Variants in TTC7A observed in about 807,000 individuals in gnomAD.
TTC7A encodes the protein tetratricopeptide repeat domain 7A, also known as tetratricopeptide repeat protein 7A.
Under a neutral mutation model 103.7 loss-of-function variants are expected in TTC7A, and 110 were observed. That is an observed-to-expected ratio of 1.06 (90% CI 0.91 to 1.24). The LOEUF (loss-of-function observed/expected upper bound fraction) is 1.24. Ranked by LOEUF, TTC7A falls within the 50% of genes most tolerant of loss-of-function variation. The pLI, the probability that TTC7A is intolerant of heterozygous loss-of-function variation, is 0.00. For missense variants in TTC7A, 1,340 were observed against 1,116.3 expected, an observed-to-expected ratio of 1.20 and a Z score of -2.86; for synonymous variants, 521 against 467.9, an observed-to-expected ratio of 1.11 and a Z score of -1.47.
intron 3 of TTC7A, among the ~76,000 whole-genome samples, chr2:46,966,248 C>T (rs778077423): frequency 3.9e-5 from 6 of 152,058 alleles, no homozygotes; most frequent in Non-Finnish European, 8.8e-5. Context: ...TGTGCTTGGC[C>T]TGCATACTTT....
At chr2:46,992,217 C>T (rs780273864) in intron 5 of TTC7A, among the ~76,000 whole-genome samples, 1 of 152,196 alleles carries the variant, frequency 6.6e-6, no homozygotes, top group Non-Finnish European at 1.5e-5. Context: ...GCATGTGCTA[C>T]GTGGCAGGAG....
intron 15 of TTC7A, among the ~76,000 whole-genome samples, chr2:47,037,567 G>A (rs893421102): frequency 3.9e-5 from 6 of 152,218 alleles, no homozygotes; most frequent in African/African-American, 1.2e-4. Flanking sequence ...GTGGAGCAGA[G>A]GCGAGAACCC....
intron 15 of TTC7A, among the ~76,000 whole-genome samples, chr2:47,045,146 C>T (rs768880809): frequency 4.6e-5 from 7 of 152,186 alleles, no homozygotes; most frequent in East Asian, 3.9e-4. Flanking sequence ...TGGTGAGAAC[C>T]GGGAGGTGCT....
At chr2:46,920,339 C>CT (rs1343613348) in intron 2 of TTC7A, among the ~76,000 whole-genome samples, 2 of 151,542 alleles carry the variant, frequency 1.3e-5, no homozygotes, top group Non-Finnish European at 2.9e-5. Context: ...CAGTCTTAGC[C>CT]TTTTTTTTGA....
intron 11 of TTC7A, among the ~76,000 whole-genome samples, chr2:47,018,442 A>G (rs10172245): frequency 0.55 from 83,392 of 151,366 alleles, 23,224 homozygotes; most frequent in East Asian, 0.77. Flanking sequence ...AAAATTAACC[A>G]GTGTGGTGGT....
At chr2:47,004,738 C>T (rs980386210) in intron 8 of TTC7A, among the ~76,000 whole-genome samples, 6 of 151,958 alleles carry the variant, frequency 3.9e-5, no homozygotes, top group African/African-American at 1.5e-4. Context: ...CTGCCCAGCT[C>T]CCGCACAGCC....
intron 17 of TTC7A, 86 bp from the exon 18 acceptor site, chr2:47,051,660 C>A: frequency 6.8e-7 from 1 of 1,478,704 alleles, no homozygotes; most frequent in Non-Finnish European, 9.1e-7. Context: ...CCCTGTCTCC[C>A]CATGGTGCTG....
In TTC7A at chr2:46,995,144, G is replaced by GC. The variant is rs1194244150; in HGVS notation, c.1014dup (p.Lys339GlnfsTer46). 2 of 1,614,160 alleles carry GC rather than the reference G, an allele frequency of 1.2e-6. No individual in the cohort carries two copies. Among genetic ancestry groups the GC allele is most frequent in the Non-Finnish European group, 1.7e-6 (2 of 1,180,012 alleles). On this transcript the variant is annotated frameshift_variant, in exon 8 of 20. Transcript: ENST00000319190. LOFTEE classifies it high-confidence loss of function. ...TCATTGGTGTCTTTCAGCCTCTACTGCCCCAAGGACAACATCGAGGAAGCC... is the reference window on the plus strand; with the variant it reads ...TCATTGGTGTCTTTCAGCCTCTACTGCCCCCAAGGACAACATCGAGGAAGCC...
chr2:46,960,368 C>G (rs538744855), intron 3 of TTC7A, among the ~76,000 whole-genome samples: 1 of 152,214 alleles, frequency 6.6e-6, no homozygotes, highest in Non-Finnish European at 1.5e-5. Context: ...TCCCCAGTAC[C>G]AATTTCCTGA....
At chr2:46,998,838 T>C (rs957720303) in intron 8 of TTC7A, among the ~76,000 whole-genome samples, 45 of 152,254 alleles carry the variant, frequency 3.0e-4, no homozygotes, top group African/African-American at 1.0e-3. Flanking sequence ...AAGCTGACTA[T>C]GTGCGATCAG....
At chr2:46,918,441 A>T (rs1448885670) in intron 2 of TTC7A, among the ~76,000 whole-genome samples, 1 of 152,210 alleles carries the variant, frequency 6.6e-6, no homozygotes, top group Non-Finnish European at 1.5e-5. Flanking sequence ...TCCTGCTTCC[A>T]TTCTTGCCCT....
rs761371481 is a variant in TTC7A, at chr2:47,005,886, C to T, written c.1066-36C>T. 1.7e-5 allele frequency: 27 copies of T among 1,612,608 alleles called. No homozygotes were observed. The East Asian group carries it at 1.8e-4, about 11-fold the overall frequency. ...GAAGACAGACACCTGCTTATCTACT[C>T]TCCTCACTCTTTCCCAAACAATGTC... On this transcript the variant is annotated intron_variant, in intron 8 of 19. Transcript: ENST00000319190.
At chr2:46,962,849 G>C (rs1026506742) in intron 3 of TTC7A, among the ~76,000 whole-genome samples, 1 of 152,242 alleles carries the variant, frequency 6.6e-6, no homozygotes. Context: ...TACCTGATAG[G>C]TTGAACAGTG....
At chr2:46,920,130 G>C (rs1168181386) in intron 2 of TTC7A, among the ~76,000 whole-genome samples, 2 of 152,128 alleles carry the variant, frequency 1.3e-5, no homozygotes, top group Non-Finnish European at 2.9e-5. Context: ...CTAATGAAAA[G>C]TCTGACTGTT....
chr2:46,989,369 T>G (rs2104354002), intron 5 of TTC7A, among the ~76,000 whole-genome samples: 1 of 152,392 alleles, frequency 6.6e-6, no homozygotes, highest in East Asian at 1.9e-4. Flanking sequence ...CAAAGAGATC[T>G]TTCAAGCTGG....
In TTC7A at chr2:47,007,105, G is replaced by A. The variant is rs1411162153; in HGVS notation, c.1287+381G>A. Among the ~76,000 whole-genome samples, 2 of 152,172 alleles carry A rather than the reference G, an allele frequency of 1.3e-5. No homozygotes were observed. The highest frequency in any genetic ancestry group is 2.9e-5 in the Non-Finnish European group (2 of 68,034). ...GTTCTCATCCTGTCCACTGAGCATA[G>A]CATCAGGAAATGGCCTGCTTGTGGA... On this transcript the variant is annotated intron_variant, in intron 10 of 19. Transcript: ENST00000319190. This position sits in a 1 kb window ranked among gnomAD's most constrained non-coding sequence, Gnocchi z 4.9.
rs772273957 is a variant in TTC7A at position 46,995,120 on chromosome 2, C to T, written c.1002-16C>T. 24 of 1,613,992 alleles carry T rather than the reference C, an allele frequency of 1.5e-5. No individual in the cohort carries two copies. Among genetic ancestry groups the T allele is most frequent in the Non-Finnish European group, 1.9e-5 (22 of 1,179,892 alleles). The stretch of plus-strand genomic sequence containing the variant: ...AGGTGTGTGCTCTAGCCAGGCCTGT[C>T]ATTGGTGTCTTTCAGCCTCTACTGC... On this transcript the variant is annotated splice_polypyrimidine_tract_variant and intron_variant, in intron 7 of 19. Transcript: ENST00000319190.
upstream of TTC7A, among the ~76,000 whole-genome samples, chr2:46,939,348 T>C (rs979426632): frequency 6.6e-6 from 1 of 152,120 alleles, no homozygotes; most frequent in Admixed American, 6.5e-5. Context: ...CTAGTTTTTT[T>C]ACACCCCTGA....
intron 8 of TTC7A, among the ~76,000 whole-genome samples, chr2:46,997,902 C>G (rs2163983): frequency 0.09 from 13,737 of 152,120 alleles, 805 homozygotes; most frequent in African/African-American, 0.15. Flanking sequence ...GTCCACCCAC[C>G]CCCAAACCCT....
Sources: allele counts gnomAD v4.1 joint callset (sites outside exome capture counted in the v4.1 genomes callset), GRCh38; gene constraint gnomAD v4.1.1; non-coding constraint Gnocchi (gnomAD v3.1); transcripts MANE v1.5; gene names NCBI Gene and HGNC (gene_info 2026-07-23, HGNC 2026-07-21).